RBPMS2: variants seen among roughly 807,000 people sequenced by gnomAD.
RBPMS2 encodes RNA binding protein, mRNA processing factor 2, also known as RNA-binding protein with multiple splicing 2.
Under a neutral mutation model 25.7 loss-of-function variants are expected in RBPMS2, and 14 were observed. The observed-to-expected ratio is 0.55, with a 90% CI of 0.36 to 0.85. The LOEUF (loss-of-function observed/expected upper bound fraction) is 0.85. Among genes scored for constraint, RBPMS2 ranks in the 40% least tolerant of loss-of-function variants. RBPMS2 has a pLI of 0.01. For missense variants in RBPMS2, 252 were observed against 283.4 expected, an observed-to-expected ratio of 0.89 and a Z score of 0.80; for synonymous variants, 127 against 115.6, an observed-to-expected ratio of 1.10 and a Z score of -0.63.
intron 2 of RBPMS2, among the ~76,000 whole-genome samples, chr15:64,751,100 C>T (rs2083674369): frequency 1.3e-5 from 2 of 151,954 alleles, no homozygotes; most frequent in African/African-American, 4.8e-5. Context: ...TTTGGGAGGC[C>T]GGGGCGGGCG....
intron 1 of RBPMS2, among the ~76,000 whole-genome samples, chr15:64,769,100 C>CA (rs1167404963): frequency 0.21 from 5,679 of 27,218 alleles, 1,102 homozygotes; most frequent in South Asian, 0.33. Context: ...GACTTCGTCT[C>CA]AAAAAAAAAA....
chr15:64,756,947 T>C (rs1365474486), intron 1 of RBPMS2, among the ~76,000 whole-genome samples: 3 of 148,400 alleles, frequency 2.0e-5, no homozygotes, highest in Non-Finnish European at 4.5e-5. Context: ...GCATTATAAG[T>C]GCGAGCCACC....
intron 1 of RBPMS2, chr15:64,762,493 C>A: frequency 3.7e-6 from 2 of 534,808 alleles, no homozygotes; most frequent in Non-Finnish European, 7.7e-6. Flanking sequence ...CTGCCATCAT[C>A]ATCGCACCCA....
At position 64,744,811 on chromosome 15, in the gene RBPMS2, T is replaced by TG. The variant is rs1275991913; in HGVS notation, c.568-3570_568-3569insC. 2.3e-3 allele frequency among the ~76,000 whole-genome samples: 246 copies of TG among 106,458 alleles called. 1 individual carries two copies. Among genetic ancestry groups the TG allele is most frequent in the African/African-American group, 9.2e-3 (236 of 25,554 alleles). The allele number at this position is 106,458 out of a possible 152,430, so 69.8% of individuals were successfully genotyped here. A position where few individuals can be genotyped will look rare whatever the true frequency, so the allele number is the denominator to read the frequency against. On this transcript the variant is annotated intron_variant, in intron 6 of 7. Coordinates refer to ENST00000300069, the MANE Select transcript of RBPMS2 (RefSeq NM_194272.3). ...TTGGTTTGTTTTGTTTTTTTTTTTT[T>TG]TTTTTTTTTTTTTTTTTTTTTGAGA...
intron 1 of RBPMS2, chr15:64,762,263 T>G (rs949318497): frequency 2.2e-5 from 10 of 444,724 alleles, no homozygotes; most frequent in Non-Finnish European, 4.5e-5. Flanking sequence ...TCCTACATGG[T>G]TACAGGCCAA....
Position 64,740,760 on chromosome 15 carries a change from G to A in RBPMS2, c.*248C>T, listed in dbSNP as rs961248188. 2.5e-5 allele frequency: 4 copies of A among 160,750 alleles called. No homozygotes were observed. Among genetic ancestry groups the A allele is most frequent in the Non-Finnish European group, 4.1e-5 (3 of 72,740 alleles). 10.0% of individuals were successfully genotyped at this position (160,750 alleles called of 1,614,324 possible). A position where few individuals can be genotyped will look rare whatever the true frequency, so the allele number is the denominator to read the frequency against. ...CAGTGAGGCCTCCGAGCTGGATCTG[G>A]GCGCCCCAGGGAGAAAGTCCCCAAA... is the stretch of plus-strand genomic sequence containing the variant. On this transcript the variant is annotated 3_prime_UTR_variant, in exon 8 of 8. Coordinates refer to ENST00000300069, the MANE Select transcript of RBPMS2 (RefSeq NM_194272.3).
intron 1 of RBPMS2, among the ~76,000 whole-genome samples, chr15:64,773,882 G>C (rs1457765203): frequency 6.6e-6 from 1 of 152,198 alleles, no homozygotes; most frequent in Non-Finnish European, 1.5e-5. Context: ...CAAAGCCAAG[G>C]GCCTTTTGGC....
chr15:64,766,034 C>T (rs911580044), intron 1 of RBPMS2, among the ~76,000 whole-genome samples: 5 of 151,788 alleles, frequency 3.3e-5, no homozygotes, highest in Admixed American at 6.6e-5. Flanking sequence ...GTATCCTCTC[C>T]TAACTCCCTG....
chr15:64,760,397 G>A (rs534345323), intron 1 of RBPMS2, among the ~76,000 whole-genome samples: 9 of 152,340 alleles, frequency 5.9e-5, no homozygotes, highest in Admixed American at 2.0e-4. Flanking sequence ...GACAAGTTCC[G>A]TAAGTGCTGG....
intron 1 of RBPMS2, 82 bp downstream of exon 1, chr15:64,775,151 A>G: frequency 7.8e-6 from 5 of 638,128 alleles, no homozygotes; most frequent in Non-Finnish European, 6.2e-6. Context: ...CGGCCCCGCG[A>G]GGCGCGGCAG....
At chr15:64,756,613 A>C (rs537411621) in intron 1 of RBPMS2, among the ~76,000 whole-genome samples, 1 of 150,864 alleles carries the variant, frequency 6.6e-6, no homozygotes, top group South Asian at 2.1e-4. Flanking sequence ...CATCTTTCCG[A>C]ATCTCAGTTT....
At chr15:64,770,052 G>A (rs1031373254) in intron 1 of RBPMS2, among the ~76,000 whole-genome samples, 6 of 152,020 alleles carry the variant, frequency 3.9e-5, no homozygotes, top group South Asian at 2.1e-4. Context: ...AGTGGTGCGC[G>A]CCTGTAATCC....
At chr15:64,748,701 G>A (rs531466799) in intron 5 of RBPMS2, 134 bp from the exon 6 acceptor site, 56 of 1,124,306 alleles carry the variant, frequency 5.0e-5, no homozygotes, top group African/African-American at 4.9e-4. Context: ...AGAGGACCCC[G>A]AGACCAGGCA....
chr15:64,757,160 T>C (rs2083740249), intron 1 of RBPMS2, among the ~76,000 whole-genome samples: 1 of 151,770 alleles, frequency 6.6e-6, no homozygotes, highest in Admixed American at 6.6e-5. Flanking sequence ...TTTGTAGCGA[T>C]GAGGTCTCAC....
chr15:64,768,637 C>T (rs1461181634), intron 1 of RBPMS2, among the ~76,000 whole-genome samples: 1 of 148,530 alleles, frequency 6.7e-6, no homozygotes. Context: ...GACTCTGTCT[C>T]GAGGAAAAAA....
chr15:64,755,450 G>A (rs774434740), intron 1 of RBPMS2, among the ~76,000 whole-genome samples: 5 of 152,088 alleles, frequency 3.3e-5, no homozygotes, highest in Non-Finnish European at 7.4e-5. Context: ...CACCCCAGCA[G>A]ATGACATCTT....
At chr15:64,743,490 C>T (rs1286516256) in intron 6 of RBPMS2, among the ~76,000 whole-genome samples, 1 of 152,262 alleles carries the variant, frequency 6.6e-6, no homozygotes, top group Non-Finnish European at 1.5e-5. Context: ...CTCCGGGTGC[C>T]TGGCATAGGC....
chr15:64,764,051 C>CT (rs945956577), intron 1 of RBPMS2, among the ~76,000 whole-genome samples: 3 of 152,188 alleles, frequency 2.0e-5, no homozygotes, highest in African/African-American at 7.2e-5. Flanking sequence ...CTTGCAAACT[C>CT]TGTGTCAGGG....
intron 1 of RBPMS2, among the ~76,000 whole-genome samples, chr15:64,757,041 T>G (rs542578326): frequency 5.1e-4 from 75 of 146,716 alleles, no homozygotes; most frequent in Non-Finnish European, 4.9e-4. Flanking sequence ...GGCGCTATCA[T>G]AGCTCACTGC....
Sources: allele counts gnomAD v4.1 joint callset (sites outside exome capture counted in the v4.1 genomes callset), GRCh38; gene constraint gnomAD v4.1.1; transcripts MANE v1.5; gene names NCBI Gene and HGNC (gene_info 2026-07-23, HGNC 2026-07-21).